Variants in CAMK2G observed in about 807,000 individuals in gnomAD.
CAMK2G encodes the protein calcium/calmodulin-dependent protein kinase type II subunit gamma.
In CAMK2G, 23 loss-of-function variants were observed where a neutral mutation model predicts 88.7. That is an observed-to-expected ratio of 0.26 (90% CI 0.19 to 0.37). The LOEUF (loss-of-function observed/expected upper bound fraction) is 0.37, where lower values mean the gene tolerates loss of function less well. CAMK2G is among the 10% of genes least tolerant of loss of function. The pLI is 1.00. For missense variants in CAMK2G, 476 were observed against 780.8 expected (o/e 0.61, Z 4.65); for synonymous variants, 263 against 294.8 (o/e 0.89, Z 1.11).
At chr10:73,833,638 C>G (rs927835979) in intron 14 of CAMK2G, among the ~76,000 whole-genome samples, 1 of 151,682 alleles carries the variant, frequency 6.6e-6, no homozygotes, top group Non-Finnish European at 1.5e-5. Context: ...CTCTGTCCCC[C>G]AGGCTGGAGT....
rs1289842039 is a variant in CAMK2G at position 73,817,540 on chromosome 10, T to TCTC, written c.1375_1377dup (p.Glu459dup). ...ATCAGCTGTTCTGTAATCTTAATGA[T>TCTC]CTCCTGTTTTCGCACTGTGGGGGAG... On this transcript the variant is annotated inframe_insertion, in exon 20 of 23. Coordinates refer to ENST00000423381, the MANE Select transcript of CAMK2G (RefSeq NM_001367534.1). The TCTC allele has an allele frequency of 1.2e-6, 2 of 1,612,676 alleles. No homozygotes were observed. Among genetic ancestry groups the TCTC allele is most frequent in the South Asian group, 2.2e-5 (2 of 91,058 alleles).
chr10:73,847,263 T>A lies in CAMK2G; in HGVS notation c.781A>T (p.Ile261Phe). ...QMLTINPAKRITADQALKHPW... is the reference protein window; with the variant it reads ...QMLTINPAKRFTADQALKHPW... ...TGCTTGAGAGCCTGGTCAGCCGTGATGCGCTTTGCTGGGTTTATGGTCAGC... is the reference window on the plus strand; with the variant it reads ...TGCTTGAGAGCCTGGTCAGCCGTGAAGCGCTTTGCTGGGTTTATGGTCAGC... Residue 261 changes from isoleucine (I) to phenylalanine (F), a missense_variant, in exon 10 of 23, where the codon ATC becomes TTC. This residue lies in a region of CAMK2G where 164 missense variants were observed against 385.6 expected (regional missense o/e 0.43). Transcript: ENST00000423381. The A allele has an allele frequency of 6.2e-7, 1 of 1,614,218 alleles. No individual in the cohort carries two copies. The highest frequency in any genetic ancestry group is 8.5e-7 in the Non-Finnish European group (1 of 1,180,026).
At chr10:73,818,586 C>T in intron 19 of CAMK2G, 1 of 419,766 alleles carries the variant, frequency 2.4e-6, no homozygotes, top group South Asian at 1.7e-5. Flanking sequence ...CACAGCCAAG[C>T]AGCACAGTTG....
At chr10:73,872,401 GCAC>G (rs2095864822) in intron 2 of CAMK2G, among the ~76,000 whole-genome samples, 1 of 152,240 alleles carries the variant, frequency 6.6e-6, no homozygotes, top group African/African-American at 2.4e-5. Context: ...ATCTGCTGCT[GCAC>G]CACCAACTTT....
chr10:73,854,812 T>C (rs2094905728), intron 3 of CAMK2G, among the ~76,000 whole-genome samples: 1 of 152,146 alleles, frequency 6.6e-6, no homozygotes, highest in East Asian at 1.9e-4. Context: ...CCTCCCTTGA[T>C]GACTGAGGAC....
Position 73,813,092 on chromosome 10 carries a change from T to C in CAMK2G, c.*1426A>G, listed in dbSNP as rs980480340. The C allele has an allele frequency of 6.5e-6, 1 of 152,758 alleles. No homozygotes were observed. Among genetic ancestry groups the C allele is most frequent in the African/African-American group, 2.4e-5 (1 of 41,474 alleles). 9.5% of individuals were successfully genotyped at this position (152,758 alleles called of 1,614,324 possible). ...TGTTTGTGCAGATAAATCTGCAGCG[T>C]TGTTTTGAGGGAAACCAAGGCCATG... is the stretch of plus-strand genomic sequence containing the variant. On this transcript the variant is annotated 3_prime_UTR_variant, in exon 23 of 23. Coordinates refer to ENST00000423381, the MANE Select transcript of CAMK2G (RefSeq NM_001367534.1).
Position 73,823,610 on chromosome 10 carries a change from C to T in CAMK2G, c.1200+430G>A, listed in dbSNP as rs549999714. ...GTCTTGTCACCTCTGTAAGCCAGAG[C>T]CATGGATGGTATCTGGGCTTAACAG... On this transcript the variant is annotated intron_variant, in intron 17 of 22. Coordinates refer to ENST00000423381, the MANE Select transcript of CAMK2G (RefSeq NM_001367534.1). Among the ~76,000 whole-genome samples the T allele has an allele frequency of 2.0e-5, 3 of 152,170 alleles. No homozygotes were observed. The South Asian group carries it at 6.2e-4, about 32-fold the overall frequency.
intron 2 of CAMK2G, among the ~76,000 whole-genome samples, chr10:73,862,669 G>A (rs1360503204): frequency 6.6e-6 from 1 of 152,196 alleles, no homozygotes. Flanking sequence ...TGAGCCTAGA[G>A]CCCTCTTTCT....
At chr10:73,817,971 C>T (rs75097713) in intron 19 of CAMK2G, among the ~76,000 whole-genome samples, 1 of 152,330 alleles carries the variant, frequency 6.6e-6, no homozygotes, top group African/African-American at 2.4e-5. Flanking sequence ...CCTGAAGGGG[C>T]TCAGTCAGGT....
chr10:73,862,920 G>A (rs868549879), intron 2 of CAMK2G, among the ~76,000 whole-genome samples: 10 of 152,352 alleles, frequency 6.6e-5, no homozygotes, highest in South Asian at 6.2e-4. Flanking sequence ...TAAATGCTAT[G>A]ATTGTCCACA....
Position 73,817,506 on chromosome 10 carries a change from A to C in CAMK2G, c.1412T>G (p.Ile471Ser), listed in dbSNP as rs2086078958. The change falls in exon 20 of 23, where the codon ATC (isoleucine) becomes AGC (serine). Residue 471 changes from isoleucine to serine, a missense_variant. Ile to Ser is a moderately radical substitution (Grantham distance 142, BLOSUM62 -2). Coordinates refer to ENST00000423381, the MANE Select transcript of CAMK2G (RefSeq NM_001367534.1). Reference sequence around the variant, plus strand: ...GTAGGCCTCAAAGTCCCCATTGTTGATGGCTTCAATCAGCTGTTCTGTAAT... The same window carrying C: ...GTAGGCCTCAAAGTCCCCATTGTTGCTGGCTTCAATCAGCTGTTCTGTAAT... Reference protein sequence around the residue: ...IKITEQLIEAINNGDFEAYTK... With the variant: ...IKITEQLIEASNNGDFEAYTK... 6.2e-7 allele frequency: 1 copy of C among 1,613,160 alleles called. No individual in the cohort carries two copies. Among genetic ancestry groups the C allele is most frequent in the Non-Finnish European group, 8.5e-7 (1 of 1,179,128 alleles).
In CAMK2G at chr10:73,812,844, C is replaced by T. The variant is rs1291824653; in HGVS notation, c.*1674G>A. On this transcript the variant is annotated 3_prime_UTR_variant, in exon 23 of 23. Coordinates refer to ENST00000423381, the MANE Select transcript of CAMK2G (RefSeq NM_001367534.1). ...TGGTGAAGGGATTTGCGTGCTGGCA[C>T]TGCAGACTGCAGGGCAGGAAAGGGC... is the stretch of plus-strand genomic sequence containing the variant. 2 of 152,728 alleles carry T rather than the reference C, an allele frequency of 1.3e-5. No homozygotes were observed. The highest frequency in any genetic ancestry group is 2.9e-5 in the Non-Finnish European group (2 of 68,076). 9.5% of individuals were successfully genotyped at this position (152,728 alleles called of 1,614,324 possible).
At chr10:73,820,488 ATATATTTT>A (rs1404334695) in intron 18 of CAMK2G, among the ~76,000 whole-genome samples, 116 of 46,522 alleles carry the variant, frequency 2.5e-3, no homozygotes, top group Middle Eastern at 0.011. Flanking sequence ...ATATATATAT[ATATATTTT>A]TTTTTTTTTT....
chr10:73,837,539 C>G (rs1342169996), intron 13 of CAMK2G, 28 bp from the exon 14 acceptor site: 3 of 1,591,360 alleles, frequency 1.9e-6, no homozygotes. Flanking sequence ...AATATCAAGT[C>G]TCCTGCATTG....
chr10:73,846,760 C>T (rs2094275313), intron 10 of CAMK2G: 2 of 158,346 alleles, frequency 1.3e-5, no homozygotes, highest in Non-Finnish European at 2.8e-5. Flanking sequence ...GAGGACTCTC[C>T]TAGGACTTTA....
At chr10:73,862,700 C>A (rs1249637729) in intron 2 of CAMK2G, among the ~76,000 whole-genome samples, 1 of 152,166 alleles carries the variant, frequency 6.6e-6, no homozygotes, top group Non-Finnish European at 1.5e-5. Context: ...GCTATTATGG[C>A]CAGATAAAGA....
In CAMK2G at chr10:73,839,730, G is replaced by A. The variant is rs894631581; in HGVS notation, c.947-129C>T. The A allele has an allele frequency of 3.7e-5, 17 of 462,274 alleles. No individual in the cohort carries two copies. Among genetic ancestry groups the A allele is most frequent in the East Asian group, 1.1e-4 (3 of 27,822 alleles). The allele number at this position is 462,274 out of a possible 1,614,324, so 28.6% of individuals were successfully genotyped here. On this transcript the variant is annotated intron_variant, in intron 12 of 22. Coordinates refer to ENST00000423381, the MANE Select transcript of CAMK2G (RefSeq NM_001367534.1). This position sits in a 1 kb window ranked among gnomAD's most constrained non-coding sequence, Gnocchi z 4.2. ...GCCAGCCGAGCTGGGGGAGCGGAGC[G>A]CCAGGGGCAGGCTGAGGAGGTAGGC...
At chr10:73,837,786 G>T (rs1484751603) in intron 13 of CAMK2G, among the ~76,000 whole-genome samples, 1 of 152,132 alleles carries the variant, frequency 6.6e-6, no homozygotes, top group African/African-American at 2.4e-5. Flanking sequence ...TACTGGAGCC[G>T]CCTGGGGCAC....
intron 17 of CAMK2G, among the ~76,000 whole-genome samples, chr10:73,823,326 G>A (rs932583254): frequency 1.3e-5 from 2 of 149,974 alleles, no homozygotes; most frequent in African/African-American, 2.5e-5. Flanking sequence ...AGCAATTATC[G>A]TGCCTCAGCC....
Sources: gnomAD v4.1 joint callset for allele counts (sites outside exome capture counted in the v4.1 genomes callset) on GRCh38, gnomAD v4.1.1 for gene constraint, gnomAD v4.1.1 regional missense constraint, Gnocchi (gnomAD v3.1) non-coding constraint, MANE v1.5 for transcripts, NCBI Gene and HGNC (gene_info 2026-07-23, HGNC 2026-07-21) for gene names.